The following KCNIP1 variants were observed in gnomAD, a reference collection of about 807,000 sequenced individuals.
KCNIP1 encodes the protein potassium voltage-gated channel interacting protein 1, also known as A-type potassium channel modulatory protein KCNIP1.
Under a neutral mutation model 33.0 loss-of-function variants are expected in KCNIP1, and 18 were observed. The ratio of observed to expected loss-of-function variants is 0.55; its 90% CI spans 0.38 to 0.81. The LOEUF is 0.81. Among genes scored for constraint, KCNIP1 ranks in the 30% least tolerant of loss-of-function variants. The pLI is 0.00. For synonymous variants in KCNIP1, 93 were observed against 98.3 expected (o/e 0.95, Z 0.32); for missense variants, 238 against 271.6 (o/e 0.88, Z 0.87).
At chr5:170,638,235 T>C (rs1464414703) in intron 1 of KCNIP1, among the ~76,000 whole-genome samples, 1 of 151,874 alleles carries the variant, frequency 6.6e-6, no homozygotes, top group East Asian at 2.0e-4. Flanking sequence ...CCAGGCCAGG[T>C]TCCAGTCCCT....
At chr5:170,550,262 GA>G (rs1217995376) in intron 1 of KCNIP1, among the ~76,000 whole-genome samples, 5 of 152,150 alleles carry the variant, frequency 3.3e-5, no homozygotes, top group Non-Finnish European at 7.4e-5. Context: ...TTCTGGAACA[GA>G]AAAAAGTTTA....
rs114295703 is a variant in KCNIP1, at chr5:170,466,448, T to G, written c.88+112484T>G. On this transcript the variant is annotated intron_variant, in intron 1 of 7. Coordinates refer to the KCNIP1 transcript ENST00000377360. ...GATGGTAATAAAATAAATACAATTTTTAAATGGATGGAATTTCCAGGGAAA... is the reference window on the plus strand; with the variant it reads ...GATGGTAATAAAATAAATACAATTTGTAAATGGATGGAATTTCCAGGGAAA... Among the ~76,000 whole-genome samples, 727 of 152,262 alleles carry G rather than the reference T, an allele frequency of 4.8e-3. 7 individuals carry two copies. Among genetic ancestry groups the G allele is most frequent in the African/African-American group, 0.016 (671 of 41,540 alleles).
At chr5:170,601,917 G>A (rs923948482) in intron 1 of KCNIP1, among the ~76,000 whole-genome samples, 1 of 152,184 alleles carries the variant, frequency 6.6e-6, no homozygotes, top group African/African-American at 2.4e-5. Context: ...GAATGGAGCA[G>A]GCAGCAGGGG....
At chr5:170,599,545 T>C (rs1173046218) in intron 1 of KCNIP1, among the ~76,000 whole-genome samples, 1 of 151,934 alleles carries the variant, frequency 6.6e-6, no homozygotes, top group Non-Finnish European at 1.5e-5. Context: ...GAGAAGGAAG[T>C]AGACAAGTGG....
intron 1 of KCNIP1, among the ~76,000 whole-genome samples, chr5:170,491,596 T>C (rs1182200720): frequency 6.6e-6 from 1 of 152,240 alleles, no homozygotes; most frequent in Non-Finnish European, 1.5e-5. Flanking sequence ...ATTTGTGGTT[T>C]AAGCTTCATG....
intron 1 of KCNIP1, chr5:170,420,396 T>C (rs370376163): frequency 6.6e-6 from 1 of 152,286 alleles, no homozygotes; most frequent in African/African-American, 2.4e-5. Flanking sequence ...CCTCATTTAC[T>C]GTAAGAATAC....
At chr5:170,554,334 T>G (rs1393758219) in intron 1 of KCNIP1, among the ~76,000 whole-genome samples, 1 of 152,198 alleles carries the variant, frequency 6.6e-6, no homozygotes, top group African/African-American at 2.4e-5. Flanking sequence ...ACATTTTGCA[T>G]GCCAGCTTAT....
chr5:170,428,024 G>T (rs1487981512), intron 1 of KCNIP1, among the ~76,000 whole-genome samples: 2 of 152,216 alleles, frequency 1.3e-5, no homozygotes, highest in Non-Finnish European at 2.9e-5. Flanking sequence ...CACGTGGTGA[G>T]CTCCTATTCA....
chr5:170,421,124 G>A (rs1755478040), intron 1 of KCNIP1, among the ~76,000 whole-genome samples: 1 of 152,190 alleles, frequency 6.6e-6, no homozygotes, highest in African/African-American at 2.4e-5. Flanking sequence ...GGGTTGGAGG[G>A]GGTGTTGTTG....
chr5:170,580,815 T>A (rs560048532), intron 1 of KCNIP1, among the ~76,000 whole-genome samples: 82 of 152,104 alleles, frequency 5.4e-4, no homozygotes, highest in African/African-American at 1.7e-3. Flanking sequence ...TTACAAGGCC[T>A]AATGAGGTGA....
chr5:170,362,627 G>A (rs939335941), intron 1 of KCNIP1, among the ~76,000 whole-genome samples: 5 of 152,208 alleles, frequency 3.3e-5, no homozygotes, highest in African/African-American at 1.2e-4. Flanking sequence ...AAGATTTCCT[G>A]TTGTATTTCT....
intron 1 of KCNIP1, chr5:170,680,912 T>C: frequency 2.5e-6 from 1 of 393,468 alleles, no homozygotes; most frequent in South Asian, 1.5e-4. Flanking sequence ...GAGGGAGGGG[T>C]AGGAGTGGAA....
intron 1 of KCNIP1, among the ~76,000 whole-genome samples, chr5:170,535,549 G>C (rs569201884): frequency 2.6e-5 from 4 of 152,208 alleles, no homozygotes; most frequent in Non-Finnish European, 5.9e-5. Flanking sequence ...CACCCTCAGA[G>C]GCTCCCTCCT....
intron 5 of KCNIP1, among the ~76,000 whole-genome samples, chr5:170,731,621 G>A (rs542322322): frequency 1.7e-4 from 26 of 151,620 alleles, no homozygotes; most frequent in Non-Finnish European, 3.1e-4. Context: ...CTTGAACCCG[G>A]GAGGTCGAGG....
At chr5:170,380,098 T>C (rs1442759370) in intron 1 of KCNIP1, among the ~76,000 whole-genome samples, 1 of 152,252 alleles carries the variant, frequency 6.6e-6, no homozygotes, top group Non-Finnish European at 1.5e-5. Flanking sequence ...GAAAAGAGTT[T>C]TGTGCCAGCA....
At chr5:170,617,801 C>T (rs1759445710) in intron 1 of KCNIP1, among the ~76,000 whole-genome samples, 1 of 152,206 alleles carries the variant, frequency 6.6e-6, no homozygotes, top group African/African-American at 2.4e-5. Flanking sequence ...TGCAGAGATC[C>T]TCCAGGGAAT....
intron 1 of KCNIP1, among the ~76,000 whole-genome samples, chr5:170,418,366 G>A (rs1416146104): frequency 1.4e-4 from 22 of 152,206 alleles, no homozygotes; most frequent in Admixed American, 1.4e-3. Flanking sequence ...AGGAGGTGGA[G>A]GTTGCAGAGC....
chr5:170,634,972 C>T (rs1760226317), intron 1 of KCNIP1, among the ~76,000 whole-genome samples: 1 of 152,198 alleles, frequency 6.6e-6, no homozygotes, highest in South Asian at 2.1e-4. Flanking sequence ...GTCACTTCAC[C>T]TCTCTGGGCT....
chr5:170,419,119 G>C (rs934714292), intron 1 of KCNIP1, among the ~76,000 whole-genome samples: 2 of 152,246 alleles, frequency 1.3e-5, no homozygotes, highest in African/African-American at 2.4e-5. Context: ...TCGTTGTCCA[G>C]GTGAATGGAA....
Sources: allele counts gnomAD v4.1 joint callset (sites outside exome capture counted in the v4.1 genomes callset), GRCh38; gene constraint gnomAD v4.1.1; transcripts MANE v1.5; gene names NCBI Gene and HGNC (gene_info 2026-07-23, HGNC 2026-07-21).